Variants in MAP3K9 observed in about 807,000 individuals in gnomAD.
The protein encoded by MAP3K9 is mitogen-activated protein kinase kinase kinase 9, also known as mixed lineage kinase 1 (tyr and ser/thr specificity).
In MAP3K9, 46 loss-of-function variants were observed where a neutral mutation model predicts 95.8. The ratio of observed to expected loss-of-function variants is 0.48; its 90% CI spans 0.38 to 0.61. The LOEUF is 0.61. Ranked by LOEUF, MAP3K9 falls within the 20% of genes least tolerant of loss-of-function variation. The pLI is 0.00. For synonymous variants in MAP3K9, 533 were observed against 593.8 expected, an observed-to-expected ratio of 0.90 and a Z score of 1.49; for missense variants, 1,296 against 1,474.3, an observed-to-expected ratio of 0.88 and a Z score of 1.98.
chr14:70,801,151 C>T (rs985084636), intron 1 of MAP3K9, 71 bp from the exon 2 acceptor site: 6 of 1,440,958 alleles, frequency 4.2e-6, no homozygotes, highest in Non-Finnish European at 4.7e-6. Context: ...CTTTCATTTA[C>T]CTGAGTGGGT....
chr14:70,803,269 T>C (rs1307091065), intron 1 of MAP3K9, among the ~76,000 whole-genome samples: 3 of 149,342 alleles, frequency 2.0e-5, no homozygotes, highest in African/African-American at 7.5e-5. Flanking sequence ...GCCTCAGGTA[T>C]TCCTTCATAG....
At chr14:70,770,138 A>AG (rs1316725730) in intron 2 of MAP3K9, among the ~76,000 whole-genome samples, 2 of 152,156 alleles carry the variant, frequency 1.3e-5, no homozygotes, top group Non-Finnish European at 2.9e-5. Context: ...ACCTGGTGGT[A>AG]GGGGTCAAGG....
Position 70,726,704 on chromosome 14 carries a change from C to A in MAP3K9, c.*3676G>T, listed in dbSNP as rs759509872. ...GCTCAACCACCTCCAAATCACTCCTCTTCCAGAAGCCAAAGGACGAAAGAA... is the reference window on the plus strand; with the variant it reads ...GCTCAACCACCTCCAAATCACTCCTATTCCAGAAGCCAAAGGACGAAAGAA... On this transcript the variant is annotated 3_prime_UTR_variant, in exon 12 of 12. Coordinates refer to ENST00000554752, the MANE Select transcript of MAP3K9 (RefSeq NM_001284230.2). 5.2e-5 allele frequency: 8 copies of A among 152,392 alleles called. No individual in the cohort carries two copies. Among genetic ancestry groups the A allele is most frequent in the Non-Finnish European group, 1.2e-4 (8 of 68,154 alleles). 9.4% of individuals were successfully genotyped at this position (152,392 alleles called of 1,614,324 possible). A position where few individuals can be genotyped will look rare whatever the true frequency, so the allele number is the denominator to read the frequency against.
Position 70,749,967 on chromosome 14 carries a change from A to G in MAP3K9, c.1116T>C (p.Ser372=). ...GTTTGGCAAAAGGTTCTGGGCACGT[A>G]GAAGGAATAGGAAGGGCGAGTTTGT... The part of the protein sequence containing the change: ...AMNKLALPIP[S]TCPEPFAKLM... Residue 372 remains serine (S), a synonymous_variant, in exon 4 of 12, where the codon TCT becomes TCC. Coordinates refer to ENST00000554752, the MANE Select transcript of MAP3K9 (RefSeq NM_001284230.2). 2.5e-6 allele frequency: 4 copies of G among 1,614,240 alleles called. No individual in the cohort carries two copies. Among genetic ancestry groups the G allele is most frequent in the Non-Finnish European group, 3.4e-6 (4 of 1,180,040 alleles).
chr14:70,795,475 G>T (rs2054854515), intron 2 of MAP3K9, among the ~76,000 whole-genome samples: 1 of 150,338 alleles, frequency 6.7e-6, no homozygotes, highest in African/African-American at 2.4e-5. Context: ...CACCCAGCTA[G>T]ATTTTATTGT....
chr14:70,739,529 T>C (rs1001470852), intron 7 of MAP3K9, among the ~76,000 whole-genome samples: 24 of 140,646 alleles, frequency 1.7e-4, no homozygotes, highest in African/African-American at 5.5e-4. Flanking sequence ...CACACACACT[T>C]ACATGTATGT....
Position 70,726,854 on chromosome 14 carries a change from C to T in MAP3K9, c.*3526G>A, listed in dbSNP as rs1240024630. The T allele has an allele frequency of 6.6e-6, 1 of 152,282 alleles. No individual in the cohort carries two copies. The highest frequency in any genetic ancestry group is 1.5e-5 in the Non-Finnish European group (1 of 68,072). The allele number at this position is 152,282 out of a possible 1,614,324, so 9.4% of individuals were successfully genotyped here. On this transcript the variant is annotated 3_prime_UTR_variant, in exon 12 of 12. Transcript: ENST00000554752. Reference sequence around the variant, plus strand: ...GGAGCTATGGTGTTTCACTGACCTTCTCTGATACATACACCCAACTCCCTT... The same window carrying T: ...GGAGCTATGGTGTTTCACTGACCTTTTCTGATACATACACCCAACTCCCTT...
chr14:70,739,851 T>TA, intron 7 of MAP3K9, 191 bp downstream of exon 7: 2 of 1,518,532 alleles, frequency 1.3e-6, no homozygotes, highest in South Asian at 2.5e-5. Context: ...GGGGCAGTAG[T>TA]AAAGTTAATG....
rs1276928774 is a variant in MAP3K9, at chr14:70,809,282, C to A, written c.-111G>T. ...GAGGACCCCCCCCCAACGACGGCGG[C>A]CGCAGGTAGGGCCCGGGCTGGCAGG... On this transcript the variant is annotated 5_prime_UTR_variant, in exon 1 of 12. Coordinates refer to ENST00000554752, the MANE Select transcript of MAP3K9 (RefSeq NM_001284230.2). 15 of 1,217,490 alleles carry A rather than the reference C, an allele frequency of 1.2e-5. No homozygotes were observed. Among genetic ancestry groups the A allele is most frequent in the Non-Finnish European group, 1.5e-5 (15 of 973,476 alleles). The allele number at this position is 1,217,490 out of a possible 1,614,324, so 75.4% of individuals were successfully genotyped here. A position where few individuals can be genotyped will look rare whatever the true frequency, so the allele number is the denominator to read the frequency against.
At chr14:70,781,945 G>A (rs1273243350) in intron 2 of MAP3K9, among the ~76,000 whole-genome samples, 1 of 152,226 alleles carries the variant, frequency 6.6e-6, no homozygotes, top group African/African-American at 2.4e-5. Flanking sequence ...AAGAACCCAG[G>A]TGATGGGACA....
intron 2 of MAP3K9, among the ~76,000 whole-genome samples, chr14:70,783,728 A>G (rs2054711274): frequency 2.0e-5 from 3 of 152,320 alleles, no homozygotes; most frequent in African/African-American, 4.8e-5. Context: ...GAGGAATGGA[A>G]CTGCTCTCTT....
rs1355113648 is a variant in MAP3K9, at chr14:70,733,219, A to T, written c.2150T>A (p.Ile717Asn). 5 of 1,611,828 alleles carry T rather than the reference A, an allele frequency of 3.1e-6. No individual in the cohort carries two copies. Among genetic ancestry groups the T allele is most frequent in the Non-Finnish European group, 3.4e-6 (4 of 1,178,394 alleles). ...EDGDGPSSDGIHEEPTPVNSA... is the reference protein window; with the variant it reads ...EDGDGPSSDGNHEEPTPVNSA... ...GTTGACTGGGGTGGGCTCCTCATGG[A>T]TTCCATCACTGGAGGGGCCATCGCC... The change falls in exon 11 of 12, where the codon ATC becomes AAC. Residue 717 changes from isoleucine (I) to asparagine (N), a missense_variant. By Grantham distance (149) the Ile-to-Asn change is moderately radical. Coordinates refer to ENST00000554752, the MANE Select transcript of MAP3K9 (RefSeq NM_001284230.2).
intron 2 of MAP3K9, chr14:70,765,328 TA>T (rs1227127770): frequency 1.5e-4 from 62 of 418,820 alleles, no homozygotes; most frequent in South Asian, 5.5e-4. Context: ...AGACTCCGTC[TA>T]AAAAAAAGTT....
At chr14:70,800,632 T>C (rs2054917326) in intron 2 of MAP3K9, 35 bp downstream of exon 2, 8 of 1,593,898 alleles carry the variant, frequency 5.0e-6, no homozygotes, top group Non-Finnish European at 6.8e-6. Flanking sequence ...CTGCAACTGC[T>C]CTGAGCCCCT....
intron 6 of MAP3K9, among the ~76,000 whole-genome samples, chr14:70,742,090 C>T (rs189963382): frequency 2.6e-5 from 4 of 152,340 alleles, no homozygotes; most frequent in African/African-American, 9.6e-5. Context: ...CTGTGAGCCA[C>T]CAGGCTTCTA....
chr14:70,803,314 G>C (rs1047290580), intron 1 of MAP3K9, among the ~76,000 whole-genome samples: 2 of 116,060 alleles, frequency 1.7e-5, no homozygotes, highest in Admixed American at 2.0e-4. Flanking sequence ...TATCTCAGGA[G>C]GAAATAAACC....
chr14:70,798,471 GTTTTTTTTT>G (rs1170327816), intron 2 of MAP3K9, among the ~76,000 whole-genome samples: 2 of 65,438 alleles, frequency 3.1e-5, no homozygotes, highest in African/African-American at 6.2e-5. Context: ...GTCACCAAAA[GTTTTTTTTT>G]TTTTTTTTTT....
At position 70,726,914 on chromosome 14, in the gene MAP3K9, A is replaced by C. The variant is rs2053827287; in HGVS notation, c.*3466T>G. On this transcript the variant is annotated 3_prime_UTR_variant, in exon 12 of 12. Coordinates refer to ENST00000554752, the MANE Select transcript of MAP3K9 (RefSeq NM_001284230.2). ...GCATGTGATGATTGCTTTTAAAGGAAGGAAATCTGAGAGGGGCTAAAGAGA... is the reference window on the plus strand; with the variant it reads ...GCATGTGATGATTGCTTTTAAAGGACGGAAATCTGAGAGGGGCTAAAGAGA... 6.6e-6 allele frequency: 1 copy of C among 152,286 alleles called. No homozygotes were observed. Among genetic ancestry groups the C allele is most frequent in the Admixed American group, 6.5e-5 (1 of 15,290 alleles). The allele number at this position is 152,286 out of a possible 1,614,324, so 9.4% of individuals were successfully genotyped here.
chr14:70,766,438 C>T (rs747839454), intron 2 of MAP3K9, among the ~76,000 whole-genome samples: 8 of 152,106 alleles, frequency 5.3e-5, no homozygotes, highest in African/African-American at 9.7e-5. Flanking sequence ...TAGGGTTCAG[C>T]GCTCAAGGGA....
Sources: gnomAD v4.1 joint callset for allele counts (sites outside exome capture counted in the v4.1 genomes callset) on GRCh38, gnomAD v4.1.1 for gene constraint, MANE v1.5 for transcripts, NCBI Gene and HGNC (gene_info 2026-07-23, HGNC 2026-07-21) for gene names.